Variants in FBN3 observed in about 807,000 individuals in gnomAD.
The protein encoded by FBN3 is fibrillin 3, also known as fibrillin-3.
FBN3 carries 234 observed loss-of-function variants against 330.1 expected under a neutral mutation model. The observed-to-expected ratio is 0.71, with a 90% CI of 0.64 to 0.79. The LOEUF (loss-of-function observed/expected upper bound fraction) is 0.79. FBN3 is among the 30% of genes least tolerant of loss of function. FBN3 has a pLI of 0.00. For missense variants in FBN3, 3,606 were observed against 3,886.9 expected (o/e 0.93, Z 1.92); for synonymous variants, 1,458 against 1,517.3 (o/e 0.96, Z 0.91).
chr19:8,122,778 C>T (rs111931134), intron 24 of FBN3, among the ~76,000 whole-genome samples: 2 of 151,754 alleles, frequency 1.3e-5, no homozygotes, highest in African/African-American at 2.4e-5. Context: ...CATTCTCCTG[C>T]CTCAGCCTCC....
Position 8,081,404 on chromosome 19 carries a change from G to A in FBN3, c.7290C>T (p.Ser2430=). The change falls in exon 58 of 64, where the codon AGC becomes AGT. Residue 2430 remains serine (S), a synonymous_variant. Coordinates refer to ENST00000600128, the MANE Select transcript of FBN3 (RefSeq NM_032447.5). Reference sequence around the variant, plus strand: ...CCTCCAGCAGGTAGCCTCGGGGACAGCTGCACAGGAAACTGCCCTTCGTGT... The same window carrying A: ...CCTCCAGCAGGTAGCCTCGGGGACAACTGCACAGGAAACTGCCCTTCGTGT... ...CKNTKGSFLC[S]CPRGYLLEED... 10 of 1,612,438 alleles carry A rather than the reference G, an allele frequency of 6.2e-6. No homozygotes were observed. The highest frequency in any genetic ancestry group is 8.5e-6 in the Non-Finnish European group (10 of 1,179,124).
chr19:8,146,873 C>A (rs1470111176), intron 3 of FBN3, among the ~76,000 whole-genome samples: 2 of 151,782 alleles, frequency 1.3e-5, no homozygotes, highest in East Asian at 3.9e-4. Context: ...GAGGCAGAGA[C>A]AAAGCAAGGG....
intron 37 of FBN3, among the ~76,000 whole-genome samples, 178 bp downstream of exon 37, chr19:8,107,992 T>TA (rs58568214): frequency 0.013 from 1,988 of 151,940 alleles, 46 homozygotes; most frequent in African/African-American, 0.045. Context: ...AAAGAACAGA[T>TA]AAAAAAAATT....
chr19:8,075,189 A>G lies in FBN3; in HGVS notation c.7584T>C (p.Asp2528=). 1 of 1,569,430 alleles carries G rather than the reference A, an allele frequency of 6.4e-7. No individual in the cohort carries two copies. The highest frequency in any genetic ancestry group is 1.2e-5 in the South Asian group (1 of 84,688). The change falls in exon 61 of 64, where the codon GAT becomes GAC. Residue 2528 remains aspartate, a splice_region_variant and synonymous_variant. Coordinates refer to ENST00000600128, the MANE Select transcript of FBN3 (RefSeq NM_032447.5). ...TLVSSGHGCE[D]VNECDGPHRC... is the part of the protein sequence containing the mutation. ...GGTGGGGCCCATCACATTCATTCACATCTGAGACATAGAGAGAGGGAGAGA... is the reference window on the plus strand; with the variant it reads ...GGTGGGGCCCATCACATTCATTCACGTCTGAGACATAGAGAGAGGGAGAGA...
chr19:8,097,196 G>C, intron 42 of FBN3, 93 bp downstream of exon 42: 2 of 1,511,032 alleles, frequency 1.3e-6, no homozygotes, highest in Non-Finnish European at 1.8e-6. Flanking sequence ...GGGAAATGGA[G>C]GCTTACAGAG....
rs2082860793 is a variant in FBN3, at chr19:8,121,869, C to G, written c.3083-483G>C. The stretch of plus-strand genomic sequence containing the variant: ...GGATCAAGCGATTCTCCTGCCTCAG[C>G]CTCCCGAGTAGCTGGGATTACAGGT... On this transcript the variant is annotated intron_variant, in intron 24 of 63. Coordinates refer to ENST00000600128, the MANE Select transcript of FBN3 (RefSeq NM_032447.5). This position sits in a 1 kb window ranked among gnomAD's most constrained non-coding sequence, Gnocchi z 4.5. 6.6e-6 allele frequency among the ~76,000 whole-genome samples: 1 copy of G among 152,088 alleles called. No homozygotes were observed. The highest frequency in any genetic ancestry group is 1.5e-5 in the Non-Finnish European group (1 of 68,028).
At chr19:8,068,390 C>CAA (rs71165268) in intron 63 of FBN3, among the ~76,000 whole-genome samples, 50,152 of 136,830 alleles carry the variant, frequency 0.37, 9,530 homozygotes, top group South Asian at 0.54. Context: ...GACTCCGTCT[C>CAA]AAAAAAAAAA....
intron 59 of FBN3, among the ~76,000 whole-genome samples, chr19:8,080,139 T>C (rs568770757): frequency 3.3e-5 from 5 of 152,296 alleles, no homozygotes; most frequent in East Asian, 3.9e-4. Flanking sequence ...AATCAAACTT[T>C]ATTAACAAAA....
chr19:8,090,001 T>A, intron 49 of FBN3, 42 bp from the exon 50 acceptor site: 1 of 1,601,840 alleles, frequency 6.2e-7, no homozygotes, highest in Non-Finnish European at 8.5e-7. Flanking sequence ...AGGGCCTAGG[T>A]GCAGCCCCCA....
At chr19:8,107,080 G>C (rs1376739758) in intron 37 of FBN3, among the ~76,000 whole-genome samples, 1 of 150,842 alleles carries the variant, frequency 6.6e-6, no homozygotes, top group African/African-American at 2.4e-5. Context: ...ATGAATGGAT[G>C]AATGGGTGGA....
chr19:8,106,162 G>C lies in FBN3; in HGVS notation c.4759C>G (p.Gln1587Glu). ...GDCVNTFGSF[Q>E]CECPPGYHLS... is the part of the protein sequence containing the mutation. ...TGGTAGCCAGGTGGGCACTCACACT[G>C]GAAACTGCCAAACGTGTTGACGCAG... The change falls in exon 38 of 64, where the codon CAG becomes GAG. Residue 1587 changes from glutamine to glutamate, a missense_variant. Physicochemically the swap from Gln to Glu is conservative, Grantham distance 29 (BLOSUM62 2). Coordinates refer to ENST00000600128, the MANE Select transcript of FBN3 (RefSeq NM_032447.5). 6.2e-7 allele frequency: 1 copy of C among 1,614,140 alleles called. No homozygotes were observed. Among genetic ancestry groups the C allele is most frequent in the Non-Finnish European group, 8.5e-7 (1 of 1,180,006 alleles).
intron 21 of FBN3, 41 bp from the exon 22 acceptor site, chr19:8,126,058 GA>G: frequency 1.2e-6 from 2 of 1,612,682 alleles, no homozygotes; most frequent in Non-Finnish European, 1.7e-6. Flanking sequence ...CCAGGGAGGG[GA>G]AGGGTGCTGG....
At chr19:8,082,359 CTT>C (rs762145994) in intron 57 of FBN3, among the ~76,000 whole-genome samples, 1,465 of 127,908 alleles carry the variant, frequency 0.011, 10 homozygotes, top group South Asian at 0.03. Context: ...GTCTCTCTCT[CTT>C]TCTTTTTTCT....
At chr19:8,074,070 G>C (rs1173040081) in intron 61 of FBN3, among the ~76,000 whole-genome samples, 1 of 152,106 alleles carries the variant, frequency 6.6e-6, no homozygotes, top group Admixed American at 6.5e-5. Flanking sequence ...ATTAATCTCT[G>C]TTTCCTTTGC....
intron 30 of FBN3, among the ~76,000 whole-genome samples, chr19:8,113,699 A>G (rs573291505): frequency 1.3e-4 from 19 of 151,888 alleles, no homozygotes; most frequent in Non-Finnish European, 2.5e-4. Context: ...ACACAGCGAG[A>G]CCTCATCTTT....
intron 63 of FBN3, 32 bp downstream of exon 63, chr19:8,072,016 G>A: frequency 6.3e-7 from 1 of 1,592,096 alleles, no homozygotes; most frequent in South Asian, 1.1e-5. Context: ...CCATTCCCTG[G>A]CCACCCCTGC....
chr19:8,091,706 G>A, intron 47 of FBN3, 116 bp from the exon 48 acceptor site: 10 of 1,179,652 alleles, frequency 8.5e-6, no homozygotes, highest in Non-Finnish European at 1.1e-5. Flanking sequence ...GGGCTGCAGT[G>A]GGGCTGGGGT....
chr19:8,120,554 T>A (rs903930333), intron 25 of FBN3, among the ~76,000 whole-genome samples: 1 of 151,978 alleles, frequency 6.6e-6, no homozygotes, highest in Non-Finnish European at 1.5e-5. Flanking sequence ...AAAAGTGCGA[T>A]TATGGTTCAC....
At chr19:8,125,169 GGATCCCTTGA>G (rs1408481134) in intron 22 of FBN3, among the ~76,000 whole-genome samples, 1 of 152,150 alleles carries the variant, frequency 6.6e-6, no homozygotes, top group Non-Finnish European at 1.5e-5. Flanking sequence ...TGAGGTAGGG[GGATCCCTTGA>G]GGCCAGGAGT....
Sources: allele counts gnomAD v4.1 joint callset (sites outside exome capture counted in the v4.1 genomes callset), GRCh38; gene constraint gnomAD v4.1.1; non-coding constraint Gnocchi (gnomAD v3.1); transcripts MANE v1.5; gene names NCBI Gene and HGNC (gene_info 2026-07-23, HGNC 2026-07-21).